TNRC6C: variants seen among roughly 807,000 people sequenced by gnomAD.
The protein encoded by TNRC6C is trinucleotide repeat-containing gene 6C protein.
A neutral mutation model predicts 153.7 loss-of-function variants in TNRC6C; 20 were observed. The observed-to-expected ratio is 0.13, with a 90% CI of 0.09 to 0.19. The LOEUF (loss-of-function observed/expected upper bound fraction) is 0.19, where lower values mean the gene tolerates loss of function less well. Ranked by LOEUF, TNRC6C falls within the 10% of genes least tolerant of loss-of-function variation. The pLI is 1.00. For missense variants in TNRC6C, 1,987 were observed against 2,172.0 expected (o/e 0.91, Z 1.69); for synonymous variants, 811 against 841.4 (o/e 0.96, Z 0.63).
chr17:78,089,716 G>C (rs553997551), intron 13 of TNRC6C, among the ~76,000 whole-genome samples: 13 of 152,220 alleles, frequency 8.5e-5, no homozygotes, highest in African/African-American at 3.1e-4. Flanking sequence ...CTCTAGAGAA[G>C]GAAAAGTTCA....
intron 1 of TNRC6C, among the ~76,000 whole-genome samples, chr17:77,959,996 A>G (rs2070848512): frequency 6.6e-6 from 1 of 152,152 alleles, no homozygotes; most frequent in South Asian, 2.1e-4. Flanking sequence ...ACTGGCAAGC[A>G]TGTTACACGG....
upstream of TNRC6C, among the ~76,000 whole-genome samples, chr17:77,999,892 C>A (rs915953824): frequency 6.6e-6 from 1 of 152,196 alleles, no homozygotes; most frequent in South Asian, 2.1e-4. Flanking sequence ...TCTTACGTAA[C>A]ACAGCCAGGG....
At chr17:78,071,052 A>G in intron 5 of TNRC6C, 33 bp from the exon 8 acceptor site, 1 of 1,570,648 alleles carries the variant, frequency 6.4e-7, no homozygotes, top group Non-Finnish European at 8.7e-7. Flanking sequence ...AATGTAGCTC[A>G]TGGACTTCCC....
intron 16 of TNRC6C, among the ~76,000 whole-genome samples, chr17:78,094,659 C>T (rs374979639): frequency 1.3e-5 from 2 of 152,160 alleles, no homozygotes; most frequent in African/African-American, 4.8e-5. Context: ...AGGCTGATCT[C>T]GAACTCCTGA....
intron 1 of TNRC6C, among the ~76,000 whole-genome samples, chr17:78,024,951 G>A (rs1438977873): frequency 6.6e-6 from 1 of 150,950 alleles, no homozygotes; most frequent in Non-Finnish European, 1.5e-5. Context: ...GCGCCATGAC[G>A]CCCAGCTAAT....
chr17:78,053,803 G>A (rs1159329445), intron 3 of TNRC6C, among the ~76,000 whole-genome samples: 3 of 152,098 alleles, frequency 2.0e-5, no homozygotes, highest in Admixed American at 6.5e-5. Flanking sequence ...AGGCTGAGGT[G>A]GAAGGATGGC....
chr17:78,092,883 C>T (rs765969957), intron 14 of TNRC6C, 50 bp from the exon 17 acceptor site: 1 of 1,568,358 alleles, frequency 6.4e-7, no homozygotes, highest in South Asian at 1.2e-5. Context: ...TCTGGTGTCT[C>T]TCAACTGGAG....
intron 1 of TNRC6C, among the ~76,000 whole-genome samples, chr17:77,977,415 C>T (rs2071016470): frequency 6.6e-6 from 1 of 152,092 alleles, no homozygotes; most frequent in African/African-American, 2.4e-5. Context: ...CCCCTAATCT[C>T]CAGTAGTTAA....
chr17:78,055,298 C>T (rs1206876816), intron 3 of TNRC6C, among the ~76,000 whole-genome samples: 1 of 152,178 alleles, frequency 6.6e-6, no homozygotes, highest in East Asian at 1.9e-4. Flanking sequence ...CCGGGATCTT[C>T]AGTATCACTG....
chr17:78,034,633 A>C (rs1421396940), intron 2 of TNRC6C, among the ~76,000 whole-genome samples: 2 of 152,322 alleles, frequency 1.3e-5, no homozygotes, highest in East Asian at 3.9e-4. Context: ...TGATTAGGTC[A>C]TAAGAGTCTT....
At chr17:78,077,646 C>A in intron 9 of TNRC6C, 1 of 382,794 alleles carries the variant, frequency 2.6e-6, no homozygotes, top group Non-Finnish European at 4.8e-6. Flanking sequence ...CTGCCGGATG[C>A]ATCCAGAGGT....
At chr17:78,051,335 C>T (rs868157952) in exon 3 of TNRC6C, 1 of 1,551,604 alleles carries the variant, frequency 6.4e-7, no homozygotes, top group Admixed American at 2.0e-5. Context: ...AGTACCACGA[C>T]CAATACCACC....
intron 1 of TNRC6C, among the ~76,000 whole-genome samples, chr17:77,987,001 T>C (rs2071179234): frequency 6.6e-6 from 1 of 152,236 alleles, no homozygotes; most frequent in Admixed American, 6.5e-5. Flanking sequence ...CAAATACAAG[T>C]AAAATCTCAT....
At chr17:78,001,571 G>A (rs1267058987), upstream of TNRC6C, among the ~76,000 whole-genome samples, 1 of 152,150 alleles carries the variant, frequency 6.6e-6, no homozygotes, top group Non-Finnish European at 1.5e-5. Context: ...CTCAGTAGGG[G>A]GAGGGAGAGA....
At chr17:78,028,057 G>A (rs1477215784) in intron 1 of TNRC6C, among the ~76,000 whole-genome samples, 4 of 152,082 alleles carry the variant, frequency 2.6e-5, no homozygotes, top group African/African-American at 4.8e-5. Context: ...CACCATGCCC[G>A]GCTAATTTTT....
At chr17:78,018,450 A>G (rs1439514777) in intron 1 of TNRC6C, among the ~76,000 whole-genome samples, 1 of 152,090 alleles carries the variant, frequency 6.6e-6, no homozygotes, top group East Asian at 1.9e-4. Context: ...TTTTTATATA[A>G]TACTCAGTAT....
In TNRC6C at chr17:78,049,137, C is replaced by T. The variant is rs138478334; in HGVS notation, c.75C>T (p.Gly25=). The stretch of plus-strand genomic sequence containing the variant: ...CAAATGGCAATAATGGCACCAATGG[C>T]GCACTCGTCCAAAGCCCTTCTAATC... The change falls in exon 3 of 20, where the codon GGC becomes GGT. Residue 25 remains glycine, a synonymous_variant. Coordinates refer to ENST00000301624, the Ensembl canonical transcript of TNRC6C. The surrounding 1 kb of genome is among the most constrained non-coding windows in gnomAD (Gnocchi z 4.1). 18 of 1,602,266 alleles carry T rather than the reference C, an allele frequency of 1.1e-5. No homozygotes were observed. The highest frequency in any genetic ancestry group is 6.8e-5 in the Admixed American group (4 of 58,570).
chr17:78,002,948 A>C (rs1482900211), upstream of TNRC6C, among the ~76,000 whole-genome samples: 1 of 152,198 alleles, frequency 6.6e-6, no homozygotes, highest in Non-Finnish European at 1.5e-5. Context: ...AAAAAGGAAG[A>C]GTCAGGAAAT....
chr17:78,050,156 G>C (rs2143988129), exon 3 of TNRC6C: 1 of 1,579,016 alleles, frequency 6.3e-7, no homozygotes. Context: ...GGGTGGGAGA[G>C]TCCTAGTGTC....
Sources: allele counts gnomAD v4.1 joint callset (sites outside exome capture counted in the v4.1 genomes callset), GRCh38; gene constraint gnomAD v4.1.1; non-coding constraint Gnocchi (gnomAD v3.1); transcripts MANE v1.5; gene names NCBI Gene and HGNC (gene_info 2026-07-23, HGNC 2026-07-21).